Variants in PPP2R2A observed in about 807,000 individuals in gnomAD.
PPP2R2A encodes the protein serine/threonine-protein phosphatase 2A 55 kDa regulatory subunit B alpha isoform.
In PPP2R2A, 9 loss-of-function variants were observed where a neutral mutation model predicts 53.2. The ratio of observed to expected loss-of-function variants is 0.17; its 90% CI spans 0.10 to 0.30. PPP2R2A has a LOEUF of 0.30. PPP2R2A is among the 10% of genes least tolerant of loss of function. The pLI, the probability that PPP2R2A is intolerant of heterozygous loss-of-function variation, is 1.00. For synonymous variants in PPP2R2A, 169 were observed against 174.2 expected (o/e 0.97, Z 0.23); for missense variants, 235 against 534.6 (o/e 0.44, Z 5.53).
intron 9 of PPP2R2A, among the ~76,000 whole-genome samples, chr8:26,368,418 C>G (rs555695916): frequency 2.0e-5 from 3 of 152,132 alleles, no homozygotes; most frequent in Admixed American, 2.0e-4. Flanking sequence ...TTCAAACTTA[C>G]GAAGTTTTGT....
At chr8:26,366,998 T>A (rs1038746475) in intron 9 of PPP2R2A, among the ~76,000 whole-genome samples, 5 of 152,212 alleles carry the variant, frequency 3.3e-5, no homozygotes, top group Non-Finnish European at 7.3e-5. Context: ...GTCTTTTAGT[T>A]GTCTATTTGC....
intron 2 of PPP2R2A, among the ~76,000 whole-genome samples, chr8:26,309,512 G>A (rs1025597711): frequency 2.0e-5 from 3 of 152,174 alleles, no homozygotes; most frequent in African/African-American, 7.2e-5. Flanking sequence ...TAACAAAAGA[G>A]CCTGTTCTTT....
chr8:26,306,749 C>T (rs946205244), intron 2 of PPP2R2A, among the ~76,000 whole-genome samples: 3 of 152,026 alleles, frequency 2.0e-5, no homozygotes, highest in Non-Finnish European at 4.4e-5. Flanking sequence ...GAGGCCAAGG[C>T]AGGAGGATTG....
intron 2 of PPP2R2A, among the ~76,000 whole-genome samples, chr8:26,307,231 A>G (rs904384973): frequency 3.3e-5 from 5 of 152,232 alleles, no homozygotes; most frequent in Non-Finnish European, 7.3e-5. Context: ...CTCTAAACAA[A>G]GCTAAGTAAA....
intron 3 of PPP2R2A, among the ~76,000 whole-genome samples, chr8:26,345,531 A>G (rs952968478): frequency 1.3e-5 from 2 of 152,192 alleles, no homozygotes; most frequent in African/African-American, 4.8e-5. Flanking sequence ...TTTTTCTCAC[A>G]TACTGTATAG....
intron 2 of PPP2R2A, among the ~76,000 whole-genome samples, chr8:26,305,581 G>T (rs945166610): frequency 2.6e-5 from 4 of 152,160 alleles, no homozygotes; most frequent in Non-Finnish European, 4.4e-5. Flanking sequence ...TATCTGTTGA[G>T]TTCCCAGCAC....
At chr8:26,336,329 T>C (rs73217707) in intron 2 of PPP2R2A, among the ~76,000 whole-genome samples, 5,983 of 152,202 alleles carry the variant, frequency 0.039, 176 homozygotes, top group South Asian at 0.12. Flanking sequence ...CTTGGGGAGC[T>C]GATATGGGAA....
chr8:26,305,389 A>G (rs927620289), intron 2 of PPP2R2A, among the ~76,000 whole-genome samples: 10 of 152,186 alleles, frequency 6.6e-5, no homozygotes, highest in Non-Finnish European at 1.5e-4. Flanking sequence ...GTGGGAAGGA[A>G]CCAGGTAGGT....
In PPP2R2A at chr8:26,372,391, G is replaced by A. The variant is rs1805695413; in HGVS notation, c.*1978G>A. 6.6e-6 allele frequency: 1 copy of A among 152,042 alleles called. No homozygotes were observed. The highest frequency in any genetic ancestry group is 1.5e-5 in the Non-Finnish European group (1 of 67,994). 9.4% of individuals were successfully genotyped at this position (152,042 alleles called of 1,614,324 possible). On this transcript the variant is annotated 3_prime_UTR_variant, in exon 10 of 10. Coordinates refer to ENST00000380737, the MANE Select transcript of PPP2R2A (RefSeq NM_002717.4). ...TTTTTGGGAGATTTTCCTACAGCTTGGTTGTATGTCTTGAGATAACACCAC... is the reference window on the plus strand; with the variant it reads ...TTTTTGGGAGATTTTCCTACAGCTTAGTTGTATGTCTTGAGATAACACCAC...
chr8:26,309,576 T>C (rs1802181562), intron 2 of PPP2R2A, among the ~76,000 whole-genome samples: 1 of 152,182 alleles, frequency 6.6e-6, no homozygotes, highest in Non-Finnish European at 1.5e-5. Flanking sequence ...GAGTCCTAGG[T>C]GGTATCTTCT....
intron 9 of PPP2R2A, among the ~76,000 whole-genome samples, chr8:26,368,565 G>C (rs1438460930): frequency 1.3e-5 from 2 of 152,212 alleles, no homozygotes; most frequent in Non-Finnish European, 2.9e-5. Context: ...AATGTTCTAA[G>C]TGGTAAAAGT....
At chr8:26,356,104 T>A (rs1804770069) in intron 4 of PPP2R2A, among the ~76,000 whole-genome samples, 1 of 152,100 alleles carries the variant, frequency 6.6e-6, no homozygotes, top group African/African-American at 2.4e-5. Context: ...GGTGCTAGGG[T>A]GAGGGGAACC....
intron 2 of PPP2R2A, among the ~76,000 whole-genome samples, chr8:26,299,120 AAATATT>A (rs1192754863): frequency 6.6e-6 from 1 of 152,154 alleles, no homozygotes; most frequent in Non-Finnish European, 1.5e-5. Context: ...CAAAAATTAA[AAATATT>A]AGCAGGGCAT....
intron 3 of PPP2R2A, among the ~76,000 whole-genome samples, chr8:26,343,314 CTT>C (rs1804044686): frequency 1.3e-5 from 2 of 151,960 alleles, no homozygotes; most frequent in Admixed American, 6.6e-5. Flanking sequence ...GGATTCTTAA[CTT>C]TTTTGTTGTC....
At position 26,366,318 on chromosome 8, in the gene PPP2R2A, C is replaced by T; in HGVS notation, c.976C>T (p.His326Tyr). 6.3e-7 allele frequency: 1 copy of T among 1,595,846 alleles called. No individual in the cohort carries two copies. Among genetic ancestry groups the T allele is most frequent in the Non-Finnish European group, 8.5e-7 (1 of 1,173,560 alleles). The change falls in exon 9 of 10, where the codon CAT becomes TAT. Residue 326 changes from histidine (H) to tyrosine (Y), a missense_variant. Around this residue, in one of 3 missense-constraint regions of PPP2R2A, gnomAD observed 181 missense variants for 409.9 expected, o/e 0.44. Coordinates refer to ENST00000380737, the MANE Select transcript of PPP2R2A (RefSeq NM_002717.4). ...TATATTTGTATTTTTCCCCCAGGTGCATGAATACCTCAGAAGTAAACTCTG... is the reference window on the plus strand; with the variant it reads ...TATATTTGTATTTTTCCCCCAGGTGTATGAATACCTCAGAAGTAAACTCTG... The part of the protein sequence containing the change: ...ENRPVETYQV[H>Y]EYLRSKLCSL...
At chr8:26,293,881 T>TA in intron 2 of PPP2R2A, 141 bp downstream of exon 2, 2 of 732,256 alleles carry the variant, frequency 2.7e-6, no homozygotes, top group Non-Finnish European at 4.4e-6. Flanking sequence ...TTTTAAAAGA[T>TA]ACCTTTCTGA....
At chr8:26,312,065 A>G (rs1802316317) in intron 2 of PPP2R2A, among the ~76,000 whole-genome samples, 1 of 152,102 alleles carries the variant, frequency 6.6e-6, no homozygotes, top group Non-Finnish European at 1.5e-5. Context: ...TCTTCTACTC[A>G]CTTGTTTGTA....
intron 2 of PPP2R2A, among the ~76,000 whole-genome samples, chr8:26,308,210 T>G (rs1247508403): frequency 6.6e-6 from 1 of 152,258 alleles, no homozygotes; most frequent in Non-Finnish European, 1.5e-5. Context: ...GAGGATCTTA[T>G]CTTGATGTTG....
chr8:26,312,364 C>T (rs2117237448), intron 2 of PPP2R2A, among the ~76,000 whole-genome samples: 1 of 152,236 alleles, frequency 6.6e-6, no homozygotes, highest in Admixed American at 6.5e-5. Context: ...GTGGGGGATC[C>T]TGTGATTTTT....
Sources: allele counts gnomAD v4.1 joint callset (sites outside exome capture counted in the v4.1 genomes callset), GRCh38; gene constraint gnomAD v4.1.1; regional missense constraint gnomAD v4.1.1; transcripts MANE v1.5; gene names NCBI Gene and HGNC (gene_info 2026-07-23, HGNC 2026-07-21).